Variants in PDE7B observed in about 807,000 individuals in gnomAD.
PDE7B encodes the protein phosphodiesterase 7B.
In PDE7B, 29 loss-of-function variants were observed where a neutral mutation model predicts 56.2. The observed-to-expected ratio is 0.52, with a 90% CI of 0.38 to 0.70. The LOEUF (loss-of-function observed/expected upper bound fraction) is 0.70. PDE7B is among the 30% of genes least tolerant of loss of function. The pLI is 0.00. For synonymous variants in PDE7B, 197 were observed against 196.9 expected (o/e 1.00, Z 0.00); for missense variants, 490 against 565.0 (o/e 0.87, Z 1.35).
At position 136,195,455 on chromosome 6, in the gene PDE7B, G is replaced by GAAAAAAAAAAAA. The variant is rs559769128; in HGVS notation, c.*3626_*3637dup. The GAAAAAAAAAAAA allele has an allele frequency of 2.8e-3, 191 of 68,962 alleles. 5 individuals are homozygous for GAAAAAAAAAAAA. The highest frequency in any genetic ancestry group is 7.8e-3 in the African/African-American group (182 of 23,270). The allele number at this position is 68,962 out of a possible 1,614,324, so 4.3% of individuals were successfully genotyped here. On this transcript the variant is annotated 3_prime_UTR_variant, in exon 13 of 13. Coordinates refer to ENST00000308191, the MANE Select transcript of PDE7B (RefSeq NM_018945.4). ...CATTTTGTATACACATGTGAGGTTT[G>GAAAAAAAAAAAA]AAAAAAAAAAAAAAAAAAAAAAGAA... is the stretch of plus-strand genomic sequence containing the variant.
intron 2 of PDE7B, among the ~76,000 whole-genome samples, chr6:136,039,350 G>A (rs1776378055): frequency 1.3e-5 from 2 of 152,154 alleles, no homozygotes; most frequent in African/African-American, 4.8e-5. Context: ...TTGGAAAGTG[G>A]TGGGTTCACT....
At chr6:136,048,953 T>C in intron 2 of PDE7B, 1 of 152,158 alleles carries the variant, frequency 6.6e-6, no homozygotes, top group Admixed American at 6.5e-5. Flanking sequence ...TCATGAAGGA[T>C]TTATATAGCC....
At chr6:135,854,418 T>A (rs1178412884) in intron 1 of PDE7B, among the ~76,000 whole-genome samples, 1 of 152,192 alleles carries the variant, frequency 6.6e-6, no homozygotes, top group Non-Finnish European at 1.5e-5. Flanking sequence ...TTGGAAACTC[T>A]CTATCTACAG....
At chr6:136,037,195 AC>A (rs1252808783) in intron 2 of PDE7B, among the ~76,000 whole-genome samples, 1 of 152,212 alleles carries the variant, frequency 6.6e-6, no homozygotes, top group African/African-American at 2.4e-5. Flanking sequence ...TCCCCTGTGA[AC>A]ATCCTTTAAA....
At chr6:136,094,193 G>T (rs1777436656) in intron 2 of PDE7B, 1 of 152,208 alleles carries the variant, frequency 6.6e-6, no homozygotes. Flanking sequence ...ATTCACGGAG[G>T]GCAGAGCCCT....
intron 3 of PDE7B, among the ~76,000 whole-genome samples, chr6:136,124,868 G>A (rs1777995736): frequency 6.6e-6 from 1 of 152,152 alleles, no homozygotes; most frequent in Non-Finnish European, 1.5e-5. Context: ...GCCCTATTGT[G>A]TGAAGTTTTT....
intron 1 of PDE7B, among the ~76,000 whole-genome samples, chr6:135,920,395 C>T (rs1774051014): frequency 6.6e-6 from 1 of 152,134 alleles, no homozygotes; most frequent in Non-Finnish European, 1.5e-5. Flanking sequence ...TTTCTGATCT[C>T]TTAGTCTTTT....
chr6:136,068,300 C>T (rs866906773), intron 2 of PDE7B, among the ~76,000 whole-genome samples: 1 of 151,668 alleles, frequency 6.6e-6, no homozygotes, highest in Non-Finnish European at 1.5e-5. Flanking sequence ...GTGGGGGCGG[C>T]GTGCCAGGTC....
At chr6:136,104,095 C>T (rs1236399739) in intron 2 of PDE7B, among the ~76,000 whole-genome samples, 2 of 152,148 alleles carry the variant, frequency 1.3e-5, no homozygotes, top group Non-Finnish European at 2.9e-5. Flanking sequence ...GGTCGTGGCT[C>T]CTGGGGCAAT....
intron 2 of PDE7B, among the ~76,000 whole-genome samples, chr6:136,069,869 ATC>A (rs139053517): frequency 0.026 from 3,903 of 152,226 alleles, 153 homozygotes; most frequent in African/African-American, 0.087. Context: ...AAGATGGCAA[ATC>A]TCTTTTTCTG....
At chr6:136,116,010 GCAAA>G (rs1777824626) in intron 3 of PDE7B, among the ~76,000 whole-genome samples, 1 of 152,198 alleles carries the variant, frequency 6.6e-6, no homozygotes, top group African/African-American at 2.4e-5. Context: ...CCCTCAAAGA[GCAAA>G]CAATCTCATT....
At chr6:136,045,319 C>A (rs1425361768) in intron 2 of PDE7B, among the ~76,000 whole-genome samples, 2 of 152,138 alleles carry the variant, frequency 1.3e-5, no homozygotes, top group Non-Finnish European at 1.5e-5. Flanking sequence ...TGACTTCAAT[C>A]TCTAAAATGC....
At chr6:136,185,900 C>T (rs1382544615) in intron 11 of PDE7B, among the ~76,000 whole-genome samples, 2 of 152,058 alleles carry the variant, frequency 1.3e-5, no homozygotes, top group East Asian at 3.9e-4. Context: ...CTGAACCTTC[C>T]ACTCATTAAC....
chr6:135,966,337 C>T (rs1403911790), intron 2 of PDE7B, among the ~76,000 whole-genome samples: 2 of 151,820 alleles, frequency 1.3e-5, no homozygotes, highest in African/African-American at 2.4e-5. Context: ...TAAAGAATAG[C>T]TTGGTATCAT....
intron 6 of PDE7B, among the ~76,000 whole-genome samples, chr6:136,152,555 G>A (rs779655887): frequency 6.6e-6 from 1 of 152,202 alleles, no homozygotes; most frequent in Non-Finnish European, 1.5e-5. Context: ...CGACTTGGGA[G>A]TCCACCATCT....
chr6:135,993,031 C>T (rs1775501796), intron 2 of PDE7B: 1 of 152,216 alleles, frequency 6.6e-6, no homozygotes, highest in African/African-American at 2.4e-5. Flanking sequence ...GGTCCAAATG[C>T]TCCTATCATC....
chr6:136,114,578 CT>C (rs1244917361), intron 3 of PDE7B, among the ~76,000 whole-genome samples: 1 of 152,132 alleles, frequency 6.6e-6, no homozygotes, highest in African/African-American at 2.4e-5. Flanking sequence ...CAGTTACAGC[CT>C]TTTAGTAACC....
At chr6:136,146,279 C>G (rs1444839514) in intron 3 of PDE7B, among the ~76,000 whole-genome samples, 1 of 152,176 alleles carries the variant, frequency 6.6e-6, no homozygotes, top group African/African-American at 2.4e-5. Context: ...GCAGACGTCA[C>G]TAATGTGGCC....
intron 1 of PDE7B, among the ~76,000 whole-genome samples, chr6:135,928,483 T>TTATATATATATTTATATATATA (rs1187835633): frequency 1.2e-3 from 120 of 96,738 alleles, no homozygotes; most frequent in Non-Finnish European, 2.0e-3. Context: ...ATATATATAT[T>TTATATATATATTTATATATATA]TATTTATATA....
Sources: allele counts gnomAD v4.1 joint callset (sites outside exome capture counted in the v4.1 genomes callset), GRCh38; gene constraint gnomAD v4.1.1; transcripts MANE v1.5; gene names NCBI Gene and HGNC (gene_info 2026-07-23, HGNC 2026-07-21).